The following GAB2 variants were observed in gnomAD, a reference collection of about 807,000 sequenced individuals.
GAB2 encodes GRB2 associated binding protein 2.
GAB2 carries 26 observed loss-of-function variants against 65.5 expected under a neutral mutation model. The ratio of observed to expected loss-of-function variants is 0.40; its 90% CI spans 0.29 to 0.55. The LOEUF is 0.55. Ranked by LOEUF, GAB2 falls within the 20% of genes least tolerant of loss-of-function variation. The probability of loss-of-function intolerance (pLI) is 0.53; values close to 1 mark genes in which losing one functional copy is unlikely to be tolerated. For missense variants in GAB2, 884 were observed against 875.8 expected (o/e 1.01, Z -0.12); for synonymous variants, 321 against 329.6 (o/e 0.97, Z 0.28).
chr11:78,220,323 C>T lies in GAB2; in HGVS notation c.1883G>A (p.Arg628His), dbSNP rs769709400. ...CCCCAACTCTACTCCAGGCACCTTG[C>T]GGTGGGGGCTTGGGGAGCTCGGCTG... Reference protein sequence around the residue: ...DFQPSSPSPHRKPSTSSVTSD... With the variant: ...DFQPSSPSPHHKPSTSSVTSD... Residue 628 changes from arginine to histidine, a missense_variant, in exon 9 of 10, where the codon CGC becomes CAC. Physicochemically the swap from Arg to His is conservative, Grantham distance 29 (BLOSUM62 0). Transcript: ENST00000361507. 1.0e-4 allele frequency: 165 copies of T among 1,611,998 alleles called. No individual in the cohort carries two copies. Among genetic ancestry groups the T allele is most frequent in the Non-Finnish European group, 1.3e-4 (148 of 1,179,652 alleles).
intron 1 of GAB2, among the ~76,000 whole-genome samples, chr11:78,320,194 A>G (rs1855695913): frequency 6.6e-6 from 1 of 152,076 alleles, no homozygotes; most frequent in Admixed American, 6.5e-5. Flanking sequence ...TAATTTTGAA[A>G]AACAATTTTA....
chr11:78,333,691 T>C (rs929057719), intron 1 of GAB2, among the ~76,000 whole-genome samples: 3 of 152,216 alleles, frequency 2.0e-5, no homozygotes, highest in Non-Finnish European at 4.4e-5. Context: ...TTTTTCACCA[T>C]GGGTGATCTA....
At chr11:78,416,842 A>AG (rs1471539022) in intron 1 of GAB2, among the ~76,000 whole-genome samples, 1 of 149,722 alleles carries the variant, frequency 6.7e-6, no homozygotes, top group Admixed American at 6.7e-5. Flanking sequence ...CACCTCCCCC[A>AG]GGCTGCCAGT....
At chr11:78,364,602 A>C (rs1054563447) in intron 1 of GAB2, among the ~76,000 whole-genome samples, 1 of 152,204 alleles carries the variant, frequency 6.6e-6, no homozygotes, top group African/African-American at 2.4e-5. Context: ...TATTGCTTGC[A>C]GTGGTTATTC....
At chr11:78,241,104 C>G (rs1462820810) in intron 3 of GAB2, among the ~76,000 whole-genome samples, 1 of 152,216 alleles carries the variant, frequency 6.6e-6, no homozygotes, top group Non-Finnish European at 1.5e-5. Flanking sequence ...CCAAAAAGCC[C>G]TTTACGCTAA....
At chr11:78,225,348 C>T (rs1864601428) in intron 4 of GAB2, 146 bp from the exon 5 acceptor site, 1 of 601,996 alleles carries the variant, frequency 1.7e-6, no homozygotes, top group Non-Finnish European at 3.0e-6. Flanking sequence ...TTTCTTCGAA[C>T]ACATCACTCC....
chr11:78,368,393 G>C (rs55838912), intron 1 of GAB2, among the ~76,000 whole-genome samples: 1 of 152,272 alleles, frequency 6.6e-6, no homozygotes, highest in South Asian at 2.1e-4. Flanking sequence ...AAATTCTCAA[G>C]TGAGGGACTT....
At chr11:78,413,313 C>T (rs375692350) in intron 1 of GAB2, among the ~76,000 whole-genome samples, 43 of 152,142 alleles carry the variant, frequency 2.8e-4, no homozygotes, top group Admixed American at 2.8e-3. Context: ...GAGCTTCAAC[C>T]TTTAAGGACT....
chr11:78,355,780 G>A (rs1452587543), intron 1 of GAB2, among the ~76,000 whole-genome samples: 2 of 148,604 alleles, frequency 1.3e-5, no homozygotes, highest in Non-Finnish European at 3.0e-5. Context: ...CAAGTATACT[G>A]AGATTAAAAT....
At chr11:78,227,944 A>G (rs1444412766) in intron 3 of GAB2, among the ~76,000 whole-genome samples, 1 of 152,218 alleles carries the variant, frequency 6.6e-6, no homozygotes, top group African/African-American at 2.4e-5. Context: ...CTATATGAAG[A>G]ATGGTTTCCT....
chr11:78,369,429 T>C (rs1162232781), intron 1 of GAB2, among the ~76,000 whole-genome samples: 1 of 152,228 alleles, frequency 6.6e-6, no homozygotes. Flanking sequence ...TGATCAGCTG[T>C]GTGGCCTATG....
chr11:78,302,968 C>A (rs1867073124), intron 1 of GAB2, among the ~76,000 whole-genome samples: 1 of 152,186 alleles, frequency 6.6e-6, no homozygotes, highest in Non-Finnish European at 1.5e-5. Flanking sequence ...TGTATGTTCT[C>A]ATTCATAAAT....
At chr11:78,264,212 A>G (rs899035701) in intron 2 of GAB2, among the ~76,000 whole-genome samples, 7 of 152,204 alleles carry the variant, frequency 4.6e-5, no homozygotes, top group African/African-American at 1.7e-4. Context: ...TATGGGGAGA[A>G]CTGACATATT....
intron 2 of GAB2, among the ~76,000 whole-genome samples, chr11:78,274,238 C>G (rs1278660298): frequency 3.3e-5 from 5 of 151,816 alleles, no homozygotes; most frequent in Admixed American, 2.0e-4. Context: ...AGCCTGGGCA[C>G]AGACAGACAG....
At chr11:78,252,894 C>T (rs1354150637) in intron 2 of GAB2, among the ~76,000 whole-genome samples, 1 of 152,058 alleles carries the variant, frequency 6.6e-6, no homozygotes, top group Non-Finnish European at 1.5e-5. Flanking sequence ...GCCAGAAGTC[C>T]AGGCATTATC....
chr11:78,277,455 GA>G (rs1203457136), intron 2 of GAB2, among the ~76,000 whole-genome samples: 1 of 152,170 alleles, frequency 6.6e-6, no homozygotes, highest in Non-Finnish European at 1.5e-5. Flanking sequence ...TGGTGCTGGG[GA>G]AAGACGGTCT....
At chr11:78,412,974 G>A (rs1158215661) in intron 1 of GAB2, among the ~76,000 whole-genome samples, 1 of 152,238 alleles carries the variant, frequency 6.6e-6, no homozygotes, top group African/African-American at 2.4e-5. Context: ...CAGATTAGAT[G>A]TGGGATAGTG....
At chr11:78,414,129 C>A (rs905518293) in intron 1 of GAB2, among the ~76,000 whole-genome samples, 16 of 149,202 alleles carry the variant, frequency 1.1e-4, no homozygotes, top group Non-Finnish European at 1.5e-4. Context: ...AGGAACTATG[C>A]AGATACAAGT....
At chr11:78,300,830 G>C (rs1227477383) in intron 1 of GAB2, among the ~76,000 whole-genome samples, 1 of 151,766 alleles carries the variant, frequency 6.6e-6, no homozygotes, top group African/African-American at 2.4e-5. Flanking sequence ...AAGTAGCTGG[G>C]ACTATAGGTA....
Sources: allele counts gnomAD v4.1 joint callset (sites outside exome capture counted in the v4.1 genomes callset), GRCh38; gene constraint gnomAD v4.1.1; transcripts MANE v1.5; gene names NCBI Gene and HGNC (gene_info 2026-07-23, HGNC 2026-07-21).